The following ANKRD13A variants were observed in gnomAD, a reference collection of about 807,000 sequenced individuals.
ANKRD13A encodes ankyrin repeat domain-containing protein 13A.
In ANKRD13A, 48 loss-of-function variants were observed where a neutral mutation model predicts 81.3. The observed-to-expected ratio is 0.59, with a 90% CI of 0.47 to 0.75. The LOEUF is 0.75. ANKRD13A is among the 30% of genes least tolerant of loss of function. The probability of loss-of-function intolerance (pLI) is 0.00; values close to 1 mark genes in which losing one functional copy is unlikely to be tolerated. For synonymous variants in ANKRD13A, 230 were observed against 270.1 expected (o/e 0.85, Z 1.45); for missense variants, 612 against 734.0 (o/e 0.83, Z 1.92).
rs1161197666 is a variant in ANKRD13A, at chr12:110,018,132, T to G, written c.401-213T>G. On this transcript the variant is annotated intron_variant, in intron 4 of 14. Coordinates refer to ENST00000261739, the MANE Select transcript of ANKRD13A (RefSeq NM_033121.2). The surrounding 1 kb of genome is among the most constrained non-coding windows in gnomAD (Gnocchi z 4.4). ...CAAGAATACTCTTGGGAAATTTATT[T>G]AGACTTTTTTTCTGGTGAATGGAAT... Among the ~76,000 whole-genome samples the G allele has an allele frequency of 6.6e-6, 1 of 152,170 alleles. No homozygotes were observed. Among genetic ancestry groups the G allele is most frequent in the Non-Finnish European group, 1.5e-5 (1 of 68,020 alleles).
In ANKRD13A at chr12:110,012,134, A is replaced by G. The variant is rs1048934125; in HGVS notation, c.226A>G (p.Thr76Ala). 1 of 1,608,760 alleles carries G rather than the reference A, an allele frequency of 6.2e-7. No individual in the cohort carries two copies. Among genetic ancestry groups the G allele is most frequent in the Admixed American group, 1.7e-5 (1 of 59,894 alleles). Residue 76 changes from threonine to alanine, a missense_variant, in exon 2 of 15, where the codon ACA becomes GCA. Transcript: ENST00000261739. ...DVTKENRQGW[T>A]VLHEAVSTGD... ...GACAAAAGAAAATCGCCAGGGATGG[A>G]CAGGTAAGTATACTTTTACAATAAT...
intron 1 of ANKRD13A, among the ~76,000 whole-genome samples, chr12:110,005,829 C>CT (rs963055381): frequency 8.6e-5 from 13 of 151,864 alleles, no homozygotes; most frequent in Admixed American, 5.2e-4. Context: ...TGTGGGTTTC[C>CT]TTTTTTTTGA....
chr12:110,027,809 A>G (rs1412007955), intron 9 of ANKRD13A, 43 bp downstream of exon 9: 1 of 1,599,368 alleles, frequency 6.3e-7, no homozygotes, highest in Non-Finnish European at 8.6e-7. Flanking sequence ...AGATGAAAGG[A>G]AACAACTTGT....
At position 110,026,796 on chromosome 12, in the gene ANKRD13A, C is replaced by T. The variant is rs184958935; in HGVS notation, c.884-909C>T. On this transcript the variant is annotated intron_variant, in intron 8 of 14. Coordinates refer to ENST00000261739, the MANE Select transcript of ANKRD13A (RefSeq NM_033121.2). Reference sequence around the variant, plus strand: ...ACTGGGGAGGCTGAGGCAGGAGAATCGCTTGAACCCCAGAGGTGGAGGTTG... The same window carrying T: ...ACTGGGGAGGCTGAGGCAGGAGAATTGCTTGAACCCCAGAGGTGGAGGTTG... Among the ~76,000 whole-genome samples, 3 of 152,182 alleles carry T rather than the reference C, an allele frequency of 2.0e-5. No individual in the cohort carries two copies. In the East Asian group the frequency reaches 5.8e-4, roughly 29 times the overall value.
At chr12:110,023,785 G>A in intron 6 of ANKRD13A, 2 of 389,450 alleles carry the variant, frequency 5.1e-6, no homozygotes, top group South Asian at 4.3e-5. Context: ...TGTCCTCAAT[G>A]CTGGCAGTTT....
chr12:110,037,381 A>G lies in ANKRD13A; in HGVS notation c.1600A>G (p.Thr534Ala). ...YERAIQESLL[T>A]STEGLCPSAL... ...CAGGGCCATCCAGGAGAGCCTCCTC[A>G]CCAGCACAGAAGGCCTGTGCCCCAG... Residue 534 changes from threonine to alanine, a missense_variant, in exon 15 of 15, where the codon ACC becomes GCC. Coordinates refer to ENST00000261739, the MANE Select transcript of ANKRD13A (RefSeq NM_033121.2). 1.2e-6 allele frequency: 2 copies of G among 1,614,150 alleles called. No individual in the cohort carries two copies. Among genetic ancestry groups the G allele is most frequent in the Non-Finnish European group, 1.7e-6 (2 of 1,180,008 alleles).
rs192670046 is a variant in ANKRD13A, at chr12:110,026,750, C to T, written c.883+927C>T. Among the ~76,000 whole-genome samples the T allele has an allele frequency of 2.0e-4, 31 of 152,070 alleles. 1 individual carries two copies. The South Asian group carries it at 4.8e-3, about 23-fold the overall frequency. On this transcript the variant is annotated intron_variant, in intron 8 of 14. Transcript: ENST00000261739. ...TACAAAAATTAACCAGGCGTGGTGG[C>T]GCACTCCTGTAGTCTCAGCTACTGG... is the stretch of plus-strand genomic sequence containing the variant.
chr12:110,028,251 T>A, intron 9 of ANKRD13A: 2 of 390,378 alleles, frequency 5.1e-6, no homozygotes, highest in Non-Finnish European at 9.2e-6. Flanking sequence ...AGATATTTCT[T>A]TCTTTTTTTC....
At position 110,039,693 on chromosome 12, in the gene ANKRD13A, G is replaced by C. The variant is rs1892252134; in HGVS notation, c.*2139G>C. ...TCCTGGAGGGGAACTGGCTCTTGTGGGGTAAGGGAAGCCCAGCCAACATCA... is the reference window on the plus strand; with the variant it reads ...TCCTGGAGGGGAACTGGCTCTTGTGCGGTAAGGGAAGCCCAGCCAACATCA... On this transcript the variant is annotated 3_prime_UTR_variant, in exon 15 of 15. Coordinates refer to ENST00000261739, the MANE Select transcript of ANKRD13A (RefSeq NM_033121.2). 6.6e-6 allele frequency: 1 copy of C among 152,240 alleles called. No individual in the cohort carries two copies. The highest frequency in any genetic ancestry group is 6.5e-5 in the Admixed American group (1 of 15,276). The allele number at this position is 152,240 out of a possible 1,614,324, so 9.4% of individuals were successfully genotyped here.
At chr12:110,030,466 C>T (rs866186859) in intron 11 of ANKRD13A, among the ~76,000 whole-genome samples, 179 bp from the exon 12 acceptor site, 7 of 152,162 alleles carry the variant, frequency 4.6e-5, no homozygotes, top group Middle Eastern at 3.4e-3. Context: ...CGCGCCTGAC[C>T]GAAAATACAC....
intron 1 of ANKRD13A, among the ~76,000 whole-genome samples, chr12:110,003,540 G>T (rs1319060088): frequency 6.6e-6 from 1 of 152,250 alleles, no homozygotes; most frequent in East Asian, 1.9e-4. Context: ...AGAGGAGTGA[G>T]GGTGGTTGTC....
intron 6 of ANKRD13A, chr12:110,021,178 C>T: frequency 4.4e-6 from 2 of 456,618 alleles, no homozygotes; most frequent in Non-Finnish European, 8.8e-6. Flanking sequence ...TTTTGGAAGA[C>T]AGCTGCTTTG....
Sources: allele counts gnomAD v4.1 joint callset (sites outside exome capture counted in the v4.1 genomes callset), GRCh38; gene constraint gnomAD v4.1.1; non-coding constraint Gnocchi (gnomAD v3.1); transcripts MANE v1.5; gene names NCBI Gene and HGNC (gene_info 2026-07-23, HGNC 2026-07-21).